Variants in DRC11 observed in about 807,000 individuals in gnomAD.
DRC11 encodes the protein IQ and AAA domain-containing protein 1.
chr2:236,322,276 C>T, the DRC11 span, among the ~76,000 whole-genome samples: 1 of 145,156 alleles, frequency 6.9e-6, no homozygotes, highest in East Asian at 2.0e-4. Flanking sequence ...GCTCTGTTGC[C>T]CAGGCTGTAG....
the DRC11 span, chr2:236,363,754 T>C: frequency 6.5e-7 from 1 of 1,544,998 alleles, no homozygotes; most frequent in Non-Finnish European, 8.9e-7. This position sits in a 1 kb window ranked among gnomAD's most constrained non-coding sequence, Gnocchi z 5.6. Flanking sequence ...GGAGGAGAGT[T>C]GGAAACCAAG....
chr2:236,428,290 G>A, the DRC11 span, among the ~76,000 whole-genome samples: 3 of 152,050 alleles, frequency 2.0e-5, no homozygotes, highest in African/African-American at 7.2e-5. Flanking sequence ...TTTCCTTATT[G>A]ATTTTATGTT....
At chr2:236,328,257 G>A in the DRC11 span, among the ~76,000 whole-genome samples, 1 of 152,122 alleles carries the variant, frequency 6.6e-6, no homozygotes, top group Admixed American at 6.5e-5. This position sits in a 1 kb window ranked among gnomAD's most constrained non-coding sequence, Gnocchi z 6.7. Context: ...TCCATACAGA[G>A]TGGTTTTTAA....
the DRC11 span, among the ~76,000 whole-genome samples, chr2:236,409,825 C>T: frequency 5.7e-3 from 864 of 152,010 alleles, 9 homozygotes; most frequent in African/African-American, 0.019. Context: ...TGAAGGGTTG[C>T]TGAATTTTGT....
the DRC11 span, among the ~76,000 whole-genome samples, chr2:236,316,156 TCTC>T: frequency 1.6e-5 from 2 of 128,394 alleles, no homozygotes; most frequent in African/African-American, 8.1e-5. The surrounding 1 kb of genome is among the most constrained non-coding windows in gnomAD (Gnocchi z 6.8). Context: ...TCTCTCTCTC[TCTC>T]TCTCTCTCTC....
chr2:236,380,443 C>G, the DRC11 span: 6 of 733,278 alleles, frequency 8.2e-6, no homozygotes, highest in Admixed American at 2.5e-5. The surrounding 1 kb of genome is among the most constrained non-coding windows in gnomAD (Gnocchi z 4.9). Flanking sequence ...AGAGGTGGCT[C>G]CCACCACTCC....
chr2:236,327,049 T>G, the DRC11 span, among the ~76,000 whole-genome samples: 1 of 152,040 alleles, frequency 6.6e-6, no homozygotes. Context: ...AAGTTTTGTT[T>G]TGGGCTCTGT....
At chr2:236,318,560 G>A in the DRC11 span, among the ~76,000 whole-genome samples, 2 of 142,232 alleles carry the variant, frequency 1.4e-5, no homozygotes, top group African/African-American at 6.2e-5. This position sits in a 1 kb window ranked among gnomAD's most constrained non-coding sequence, Gnocchi z 7.0. Context: ...TGTGTAGGGA[G>A]TGGTCCATGT....
the DRC11 span, among the ~76,000 whole-genome samples, chr2:236,326,485 T>C: frequency 6.6e-6 from 1 of 152,170 alleles, no homozygotes; most frequent in African/African-American, 2.4e-5. Context: ...TAGTTTAGAG[T>C]TCATACCTCT....
At chr2:236,357,738 TA>T in the DRC11 span, among the ~76,000 whole-genome samples, 8 of 126,772 alleles carry the variant, frequency 6.3e-5, no homozygotes, top group African/African-American at 2.5e-4. Context: ...AATATACATA[TA>T]ATATGTAAAT....
the DRC11 span, among the ~76,000 whole-genome samples, chr2:236,464,907 T>A: frequency 6.6e-6 from 1 of 152,188 alleles, no homozygotes; most frequent in African/African-American, 2.4e-5. Flanking sequence ...CCTTCTGCCG[T>A]GAGTTGAGTT....
At chr2:236,341,265 G>A in the DRC11 span, among the ~76,000 whole-genome samples, 1 of 152,224 alleles carries the variant, frequency 6.6e-6, no homozygotes, top group South Asian at 2.1e-4. Flanking sequence ...GAAAATGCAG[G>A]AGCAGCCCGT....
the DRC11 span, among the ~76,000 whole-genome samples, chr2:236,410,175 G>C: frequency 6.6e-6 from 1 of 151,550 alleles, no homozygotes; most frequent in African/African-American, 2.4e-5. Flanking sequence ...AATAGTTTCA[G>C]AAGGAATGGT....
At chr2:236,437,292 T>C in the DRC11 span, among the ~76,000 whole-genome samples, 5 of 134,140 alleles carry the variant, frequency 3.7e-5, no homozygotes, top group African/African-American at 5.7e-5. Flanking sequence ...TATGGCTGCA[T>C]AGTATTCCAT....
At chr2:236,391,891 T>A in the DRC11 span, 3 of 1,165,794 alleles carry the variant, frequency 2.6e-6, no homozygotes, top group Non-Finnish European at 3.8e-6. This position sits in a 1 kb window ranked among gnomAD's most constrained non-coding sequence, Gnocchi z 4.5. Flanking sequence ...GCGGCCCTCC[T>A]GGACATGCCA....
chr2:236,430,654 A>G, the DRC11 span, among the ~76,000 whole-genome samples: 1 of 152,216 alleles, frequency 6.6e-6, no homozygotes, highest in South Asian at 2.1e-4. This position sits in a 1 kb window ranked among gnomAD's most constrained non-coding sequence, Gnocchi z 6.0. Flanking sequence ...TGCAAATATC[A>G]TTTTGCAGGT....
chr2:236,392,192 C>A, the DRC11 span: 1 of 1,480,002 alleles, frequency 6.8e-7, no homozygotes, highest in Non-Finnish European at 9.4e-7. The surrounding 1 kb of genome is among the most constrained non-coding windows in gnomAD (Gnocchi z 5.1). Context: ...TAAAGAAGCA[C>A]AATGGTTGAA....
chr2:236,435,956 T>A, the DRC11 span, among the ~76,000 whole-genome samples: 4 of 152,192 alleles, frequency 2.6e-5, no homozygotes, highest in Non-Finnish European at 5.9e-5. Context: ...CACATACACA[T>A]GAAAAGTTTT....
the DRC11 span, among the ~76,000 whole-genome samples, chr2:236,350,633 G>A: frequency 2.6e-5 from 4 of 152,248 alleles, no homozygotes; most frequent in Non-Finnish European, 4.4e-5. The surrounding 1 kb of genome is among the most constrained non-coding windows in gnomAD (Gnocchi z 5.2). Context: ...AGTGCTGGAG[G>A]TGGGAGCGGG....
Sources: gnomAD v4.1 joint callset for allele counts (sites outside exome capture counted in the v4.1 genomes callset) on GRCh38, gnomAD v4.1.1 for gene constraint, Gnocchi (gnomAD v3.1) non-coding constraint, MANE v1.5 for transcripts, NCBI Gene and HGNC (gene_info 2026-07-23, HGNC 2026-07-21) for gene names.